Variants in DLGAP2 observed in about 807,000 individuals in gnomAD.
The protein encoded by DLGAP2 is DLG associated protein 2, also known as disks large-associated protein 2.
DLGAP2 carries 26 observed loss-of-function variants against 100.3 expected under a neutral mutation model. That is an observed-to-expected ratio of 0.26 (90% CI 0.19 to 0.36). The LOEUF (loss-of-function observed/expected upper bound fraction) is 0.36, where lower values mean the gene tolerates loss of function less well. Ranked by LOEUF, DLGAP2 falls within the 10% of genes least tolerant of loss-of-function variation. The probability of loss-of-function intolerance (pLI) is 1.00; values close to 1 mark genes in which losing one functional copy is unlikely to be tolerated. For synonymous variants in DLGAP2, 886 were observed against 630.1 expected, an observed-to-expected ratio of 1.41 and a Z score of -6.08; for missense variants, 1,858 against 1,453.2, an observed-to-expected ratio of 1.28 and a Z score of -4.53.
At chr8:1,056,390 C>T (rs1161303997) in intron 2 of DLGAP2, among the ~76,000 whole-genome samples, 1 of 152,184 alleles carries the variant, frequency 6.6e-6, no homozygotes, top group Non-Finnish European at 1.5e-5. Context: ...CCTCAGCCTT[C>T]TCCCATTTTT....
chr8:1,595,472 G>A (rs1423843640), intron 6 of DLGAP2, among the ~76,000 whole-genome samples: 1 of 150,946 alleles, frequency 6.6e-6, no homozygotes, highest in Non-Finnish European at 1.5e-5. Flanking sequence ...GACCATCCTG[G>A]CTAACAAGGT....
intron 3 of DLGAP2, among the ~76,000 whole-genome samples, chr8:1,424,125 T>G (rs1346741249): frequency 6.6e-6 from 1 of 152,228 alleles, no homozygotes; most frequent in East Asian, 1.9e-4. Flanking sequence ...TAAAGCGGGC[T>G]CCACATGGGT....
chr8:1,343,443 G>A (rs964795762), intron 3 of DLGAP2, among the ~76,000 whole-genome samples: 1 of 152,158 alleles, frequency 6.6e-6, no homozygotes, highest in Non-Finnish European at 1.5e-5. Flanking sequence ...GTGCCCAAGT[G>A]ACTGAGCCTA....
chr8:1,264,303 G>A (rs1004156382), intron 3 of DLGAP2, among the ~76,000 whole-genome samples: 12 of 152,094 alleles, frequency 7.9e-5, no homozygotes, highest in Admixed American at 6.5e-4. Context: ...GTTGCGGTCT[G>A]TGCCCTGTCA....
At chr8:986,504 C>T (rs900434670) in intron 2 of DLGAP2, among the ~76,000 whole-genome samples, 1 of 151,844 alleles carries the variant, frequency 6.6e-6, no homozygotes, top group African/African-American at 2.4e-5. Context: ...TAATTTCTTA[C>T]TTAGAGTTAA....
At chr8:1,435,591 G>A (rs1028064877) in intron 3 of DLGAP2, among the ~76,000 whole-genome samples, 1 of 152,072 alleles carries the variant, frequency 6.6e-6, no homozygotes, top group African/African-American at 2.4e-5. Flanking sequence ...GCTGGTTTAT[G>A]CATCTGGGAT....
At chr8:1,485,883 G>A (rs1270947232) in intron 3 of DLGAP2, among the ~76,000 whole-genome samples, 1 of 152,164 alleles carries the variant, frequency 6.6e-6, no homozygotes, top group Non-Finnish European at 1.5e-5. Flanking sequence ...AATTAGCTGG[G>A]TGTGGTGGTT....
chr8:1,333,628 G>A (rs111929596), intron 3 of DLGAP2, among the ~76,000 whole-genome samples: 2,451 of 152,332 alleles, frequency 0.016, 35 homozygotes, highest in Admixed American at 0.028. Context: ...CGACTGTGGC[G>A]TGAGAAAGGC....
intron 13 of DLGAP2, among the ~76,000 whole-genome samples, chr8:1,694,977 C>T (rs987981698): frequency 2.0e-5 from 3 of 152,212 alleles, no homozygotes; most frequent in African/African-American, 7.2e-5. Context: ...CCAGGCTGTG[C>T]CCGTCCGGCC....
chr8:960,628 T>C (rs186564702), intron 2 of DLGAP2, among the ~76,000 whole-genome samples: 173 of 152,336 alleles, frequency 1.1e-3, no homozygotes, highest in Admixed American at 0.011. Context: ...AGACCGTTAA[T>C]TGAATTTGTT....
At chr8:1,608,711 G>A (rs878901678) in intron 6 of DLGAP2, among the ~76,000 whole-genome samples, 9 of 144,774 alleles carry the variant, frequency 6.2e-5, no homozygotes, top group African/African-American at 2.3e-4. Flanking sequence ...TGATGGAGCT[G>A]AAAACCAAGG....
At chr8:968,892 A>C (rs1302855311) in intron 2 of DLGAP2, among the ~76,000 whole-genome samples, 1 of 152,160 alleles carries the variant, frequency 6.6e-6, no homozygotes, top group Non-Finnish European at 1.5e-5. Context: ...TAAGGAATCA[A>C]AGTTGAACTA....
intron 3 of DLGAP2, among the ~76,000 whole-genome samples, chr8:1,359,207 T>G (rs1801921831): frequency 6.6e-6 from 1 of 152,174 alleles, no homozygotes; most frequent in Non-Finnish European, 1.5e-5. Flanking sequence ...AGACACCTCC[T>G]GGTAAACTCA....
At chr8:883,640 G>T (rs755772020) in intron 1 of DLGAP2, among the ~76,000 whole-genome samples, 82 of 144,796 alleles carry the variant, frequency 5.7e-4, no homozygotes, top group Non-Finnish European at 7.5e-4. Context: ...TAGGAGCGCG[G>T]GTGCCGCGGC....
chr8:1,263,713 TCTTGAAATTGCATATTGAAGAG>T (rs1272285823), intron 3 of DLGAP2, among the ~76,000 whole-genome samples: 1 of 152,130 alleles, frequency 6.6e-6, no homozygotes, highest in African/African-American at 2.4e-5. Flanking sequence ...TAGGATTGCT[TCTTGAAATTGCATATTGAAGAG>T]CTTAGAAATA....
chr8:1,634,324 C>T (rs764469477), intron 8 of DLGAP2, among the ~76,000 whole-genome samples: 3 of 152,134 alleles, frequency 2.0e-5, no homozygotes, highest in Non-Finnish European at 4.4e-5. Flanking sequence ...CCGGGGGCTT[C>T]GGGAGAAAGG....
At position 1,182,778 on chromosome 8, in the gene DLGAP2, G is replaced by A. The variant is rs182904647; in HGVS notation, c.74-76073G>A. Among the ~76,000 whole-genome samples, 30 of 152,346 alleles carry A rather than the reference G, an allele frequency of 2.0e-4. No homozygotes were observed. The East Asian group carries it at 2.5e-3, about 13-fold the overall frequency. ...TCACACTATCGAGTCCAGCGCGCAT[G>A]TGAGAGGCAGGAAGGGAGAGTCCAC... is the stretch of plus-strand genomic sequence containing the variant. On this transcript the variant is annotated intron_variant, in intron 2 of 14. Transcript: ENST00000637795.
rs539863668 is a variant in DLGAP2, at chr8:1,255,568, G to A, written c.74-3283G>A. 6.5e-5 allele frequency among the ~76,000 whole-genome samples: 8 copies of A among 123,450 alleles called. 1 individual carries two copies. The East Asian group carries it at 2.0e-3, about 31-fold the overall frequency. 81.0% of individuals were successfully genotyped at this position (123,450 alleles called of 152,430 possible). On this transcript the variant is annotated intron_variant, in intron 2 of 14. Transcript: ENST00000637795. ...CTGTCCTCTCCTGCCTGGGAGCTGT[G>A]TGTGTGTCCTTTCCTGCCTGAGCAC...
intron 3 of DLGAP2, among the ~76,000 whole-genome samples, chr8:1,329,714 C>T (rs890016589): frequency 1.3e-5 from 2 of 152,158 alleles, no homozygotes; most frequent in Admixed American, 6.5e-5. Flanking sequence ...GTGAGGTCAC[C>T]TTCTAACAGC....
Sources: allele counts gnomAD v4.1 joint callset (sites outside exome capture counted in the v4.1 genomes callset), GRCh38; gene constraint gnomAD v4.1.1; transcripts MANE v1.5; gene names NCBI Gene and HGNC (gene_info 2026-07-23, HGNC 2026-07-21).